Variants in PPP2R2C observed in about 807,000 individuals in gnomAD.
PPP2R2C encodes the protein protein phosphatase 2 regulatory subunit Bgamma.
PPP2R2C carries 10 observed loss-of-function variants against 45.3 expected under a neutral mutation model. The observed-to-expected ratio is 0.22, with a 90% CI of 0.14 to 0.37. The LOEUF is 0.37. Among genes scored for constraint, PPP2R2C ranks in the 10% least tolerant of loss-of-function variants. The probability of loss-of-function intolerance (pLI) is 1.00; values close to 1 mark genes in which losing one functional copy is unlikely to be tolerated. For missense variants in PPP2R2C, 308 were observed against 619.7 expected, an observed-to-expected ratio of 0.50 and a Z score of 5.34; for synonymous variants, 257 against 245.4, an observed-to-expected ratio of 1.05 and a Z score of -0.44.
intron 1 of PPP2R2C, among the ~76,000 whole-genome samples, chr4:6,420,222 G>A (rs763489502): frequency 2.6e-5 from 4 of 152,170 alleles, no homozygotes; most frequent in Non-Finnish European, 5.9e-5. Context: ...GCTGTGCAAC[G>A]ACAGGAGGCT....
Position 6,368,329 on chromosome 4 carries a change from G to A in PPP2R2C, c.625+4194C>T, listed in dbSNP as rs1303569077. On this transcript the variant is annotated intron_variant, in intron 5 of 8. Coordinates refer to ENST00000382599, the MANE Select transcript of PPP2R2C (RefSeq NM_020416.4). This position sits in a 1 kb window ranked among gnomAD's most constrained non-coding sequence, Gnocchi z 4.2. Reference sequence around the variant, plus strand: ...ACACGGCTGCGCTGGCTGGGCCACCGACTCCCTGTAGCACCCACGGACCAC... The same window carrying A: ...ACACGGCTGCGCTGGCTGGGCCACCAACTCCCTGTAGCACCCACGGACCAC... 3.3e-5 allele frequency among the ~76,000 whole-genome samples: 5 copies of A among 152,148 alleles called. No homozygotes were observed. The highest frequency in any genetic ancestry group is 4.1e-4 in the South Asian group (2 of 4,822).
At chr4:6,360,726 G>C (rs542176445) in intron 5 of PPP2R2C, among the ~76,000 whole-genome samples, 1 of 152,200 alleles carries the variant, frequency 6.6e-6, no homozygotes, top group African/African-American at 2.4e-5. Context: ...TCAGACCAAG[G>C]CATGTCAGAT....
At chr4:6,438,444 G>T (rs1030171095) in intron 1 of PPP2R2C, among the ~76,000 whole-genome samples, 1 of 152,134 alleles carries the variant, frequency 6.6e-6, no homozygotes, top group Admixed American at 6.5e-5. Flanking sequence ...TTTGGTGGAC[G>T]GGTCTCCCTC....
chr4:6,542,694 C>A (rs1344673987), intron 1 of PPP2R2C, among the ~76,000 whole-genome samples: 1 of 7,162 alleles, frequency 1.4e-4, no homozygotes. Flanking sequence ...CAGAGCAAGA[C>A]TCTGTCTCAA....
At position 6,478,427 on chromosome 4, in the gene PPP2R2C, G is replaced by A. The variant is rs569946923; in HGVS notation, c.49+56844C>T. 2.0e-5 allele frequency among the ~76,000 whole-genome samples: 3 copies of A among 152,086 alleles called. No homozygotes were observed. The South Asian group carries it at 6.2e-4, about 32-fold the overall frequency. Reference sequence around the variant, plus strand: ...AGCTTCAGTGGCCTCTGTAGGGTTTGACAAATTCTTTTTTTCACTGACTCA... The same window carrying A: ...AGCTTCAGTGGCCTCTGTAGGGTTTAACAAATTCTTTTTTTCACTGACTCA... On this transcript the variant is annotated intron_variant, in intron 2 of 9. Transcript: ENST00000506140.
At chr4:6,409,491 C>T (rs1177597361) in intron 1 of PPP2R2C, among the ~76,000 whole-genome samples, 1 of 152,178 alleles carries the variant, frequency 6.6e-6, no homozygotes, top group Non-Finnish European at 1.5e-5. Context: ...CAGCTCAGCC[C>T]ACCTTCTGGG....
At chr4:6,435,026 C>T (rs187617455) in intron 1 of PPP2R2C, among the ~76,000 whole-genome samples, 1 of 152,256 alleles carries the variant, frequency 6.6e-6, no homozygotes, top group Admixed American at 6.5e-5. Flanking sequence ...ACTGTATTTC[C>T]TTTCAGTCCA....
Position 6,496,734 on chromosome 4 carries a change from G to A in PPP2R2C, c.49+38537C>T, listed in dbSNP as rs931355776. Among the ~76,000 whole-genome samples the A allele has an allele frequency of 5.0e-4, 76 of 152,082 alleles. 2 individuals are homozygous for A. Among genetic ancestry groups the A allele is most frequent in the Non-Finnish European group, 2.9e-5 (2 of 68,022 alleles). On this transcript the variant is annotated intron_variant, in intron 2 of 9. Transcript: ENST00000506140. The stretch of plus-strand genomic sequence containing the variant: ...AAATTAGCCAGGTGTGGTGGTGCAT[G>A]CCTGTAATCCCAGCTACTTGGGAGG...
intron 1 of PPP2R2C, among the ~76,000 whole-genome samples, chr4:6,411,575 G>A (rs1395205782): frequency 2.9e-5 from 4 of 140,146 alleles, no homozygotes; most frequent in Non-Finnish European, 6.1e-5. Context: ...TTTTTTGAGA[G>A]GGAGTCTTGC....
At chr4:6,427,303 T>A (rs1009480158) in intron 1 of PPP2R2C, among the ~76,000 whole-genome samples, 1 of 152,206 alleles carries the variant, frequency 6.6e-6, no homozygotes, top group Non-Finnish European at 1.5e-5. Flanking sequence ...ATCTCAATGC[T>A]CAAACGAGGA....
At chr4:6,527,307 T>A (rs1378594564) in intron 2 of PPP2R2C, among the ~76,000 whole-genome samples, 1 of 152,178 alleles carries the variant, frequency 6.6e-6, no homozygotes, top group Non-Finnish European at 1.5e-5. Flanking sequence ...ACAAGCTGCC[T>A]CCAGTCCTTG....
chr4:6,483,912 A>C (rs953439323), intron 2 of PPP2R2C, among the ~76,000 whole-genome samples: 1 of 152,118 alleles, frequency 6.6e-6, no homozygotes, highest in African/African-American at 2.4e-5. Flanking sequence ...GGTAAACTAC[A>C]GCTTGCAGAC....
At chr4:6,484,568 T>C (rs1722471455) in intron 2 of PPP2R2C, among the ~76,000 whole-genome samples, 1 of 151,808 alleles carries the variant, frequency 6.6e-6, no homozygotes, top group African/African-American at 2.4e-5. Flanking sequence ...TTCAGATCAA[T>C]TTGGGGGGAA....
chr4:6,435,845 T>A (rs549584650), intron 1 of PPP2R2C, among the ~76,000 whole-genome samples: 1 of 152,286 alleles, frequency 6.6e-6, no homozygotes, highest in African/African-American at 2.4e-5. Context: ...ACCCCAGACT[T>A]CCCTGATTTC....
intron 1 of PPP2R2C, among the ~76,000 whole-genome samples, chr4:6,545,571 G>A (rs764894580): frequency 1.3e-5 from 2 of 152,214 alleles, no homozygotes; most frequent in Admixed American, 6.5e-5. Flanking sequence ...ACAAGGTCAG[G>A]GGGCCTGGTT....
intron 4 of PPP2R2C, among the ~76,000 whole-genome samples, chr4:6,374,014 C>T (rs1168674910): frequency 2.1e-5 from 2 of 97,310 alleles, no homozygotes; most frequent in African/African-American, 7.5e-5. Context: ...GGTTGTGTGC[C>T]TGGGAGTTGG....
chr4:6,550,987 C>A (rs1157573707), intron 1 of PPP2R2C, among the ~76,000 whole-genome samples: 1 of 152,186 alleles, frequency 6.6e-6, no homozygotes, highest in Admixed American at 6.5e-5. Context: ...GAAAGAGAGT[C>A]CTCCTGGAGG....
At chr4:6,533,543 G>A (rs1724477814) in intron 2 of PPP2R2C, among the ~76,000 whole-genome samples, 1 of 152,152 alleles carries the variant, frequency 6.6e-6, no homozygotes, top group South Asian at 2.1e-4. Context: ...GGCCGGCACT[G>A]GGCCTAAGGA....
Position 6,397,218 on chromosome 4 carries a change from C to A in PPP2R2C, c.71-16124G>T, listed in dbSNP as rs914721899. Among the ~76,000 whole-genome samples, 4 of 152,328 alleles carry A rather than the reference C, an allele frequency of 2.6e-5. No homozygotes were observed. In the South Asian group the frequency reaches 8.3e-4, roughly 32 times the overall value. ...GGCAGGACCCTCATCCTGCACAAAG[C>A]CCCTACCCATGCCATCCCGCACAGC... On this transcript the variant is annotated intron_variant, in intron 1 of 8. Coordinates refer to ENST00000382599, the MANE Select transcript of PPP2R2C (RefSeq NM_020416.4).
Sources: allele counts gnomAD v4.1 joint callset (sites outside exome capture counted in the v4.1 genomes callset), GRCh38; gene constraint gnomAD v4.1.1; non-coding constraint Gnocchi (gnomAD v3.1); transcripts MANE v1.5; gene names NCBI Gene and HGNC (gene_info 2026-07-23, HGNC 2026-07-21).